Variants in SND1 observed in about 807,000 individuals in gnomAD.
SND1 encodes the protein staphylococcal nuclease and tudor domain containing 1, also known as staphylococcal nuclease domain-containing protein 1.
A neutral mutation model predicts 121.7 loss-of-function variants in SND1; 38 were observed. The ratio of observed to expected loss-of-function variants is 0.31; its 90% CI spans 0.24 to 0.41. SND1 has a LOEUF of 0.41. Among genes scored for constraint, SND1 ranks in the 10% least tolerant of loss-of-function variants. The pLI is 1.00. For missense variants in SND1, 868 were observed against 1,184.6 expected (o/e 0.73, Z 3.92); for synonymous variants, 401 against 447.4 (o/e 0.90, Z 1.31).
rs75234976 is a variant in SND1 at position 128,051,234 on chromosome 7, C to T, written c.1780-23268C>T. On this transcript the variant is annotated intron_variant, in intron 16 of 23. Transcript: ENST00000354725. ...GTTTCTGCCCCTGAGTCCACCCTCC[C>T]GAAGACAAAGGCAGAGGCCCAGGAA... Among the ~76,000 whole-genome samples the T allele has an allele frequency of 5.1e-3, 771 of 152,280 alleles. 5 individuals are homozygous for T. Among genetic ancestry groups the T allele is most frequent in the African/African-American group, 0.018 (742 of 41,528 alleles).
At position 128,052,676 on chromosome 7, in the gene SND1, C is replaced by T. The variant is rs745771707; in HGVS notation, c.1780-21826C>T. Among the ~76,000 whole-genome samples the T allele has an allele frequency of 3.9e-5, 6 of 152,202 alleles. No homozygotes were observed. Among genetic ancestry groups the T allele is most frequent in the East Asian group, 1.9e-4 (1 of 5,192 alleles). ...GGCTGTTTGCTGAACACAACTCGTC[C>T]GTCAAGGGAAATCAGATGAAATCCA... On this transcript the variant is annotated intron_variant, in intron 16 of 23. Coordinates refer to ENST00000354725, the MANE Select transcript of SND1 (RefSeq NM_014390.4). This position sits in a 1 kb window ranked among gnomAD's most constrained non-coding sequence, Gnocchi z 4.6.
intron 12 of SND1, among the ~76,000 whole-genome samples, chr7:127,867,930 T>G (rs567963043): frequency 6.6e-6 from 1 of 152,276 alleles, no homozygotes; most frequent in South Asian, 2.1e-4. Flanking sequence ...GCATTACTAT[T>G]TAACTTAATC....
At chr7:127,991,611 G>A (rs1022647086) in intron 16 of SND1, among the ~76,000 whole-genome samples, 4 of 152,136 alleles carry the variant, frequency 2.6e-5, no homozygotes, top group African/African-American at 9.7e-5. Flanking sequence ...CTTTCCAGGA[G>A]TATGCCAGCC....
intron 15 of SND1, among the ~76,000 whole-genome samples, chr7:127,981,703 A>T (rs1470980303): frequency 6.6e-6 from 1 of 152,226 alleles, no homozygotes; most frequent in Non-Finnish European, 1.5e-5. Context: ...ACAATAAATC[A>T]AATTCAGTGA....
chr7:127,717,702 C>G (rs970644551), intron 9 of SND1, among the ~76,000 whole-genome samples: 1 of 152,148 alleles, frequency 6.6e-6, no homozygotes, highest in Non-Finnish European at 1.5e-5. Context: ...ACCACAGTCT[C>G]TGGTCATGCT....
intron 1 of SND1, among the ~76,000 whole-genome samples, chr7:127,684,776 G>C (rs73450943): frequency 1.3e-5 from 2 of 152,192 alleles, no homozygotes; most frequent in Admixed American, 6.5e-5. Context: ...CAGTCTTTTT[G>C]TGTGTGTGTG....
intron 12 of SND1, among the ~76,000 whole-genome samples, chr7:127,866,301 T>C (rs1024506210): frequency 2.0e-5 from 3 of 152,230 alleles, no homozygotes; most frequent in African/African-American, 7.2e-5. Flanking sequence ...GGCATAGTCA[T>C]TCATATTTAA....
At chr7:128,007,657 T>C (rs1342940345) in intron 16 of SND1, among the ~76,000 whole-genome samples, 2 of 152,268 alleles carry the variant, frequency 1.3e-5, no homozygotes, top group Non-Finnish European at 2.9e-5. Flanking sequence ...AAACTCAATC[T>C]AGTTATAGAC....
intron 10 of SND1, among the ~76,000 whole-genome samples, chr7:127,739,172 A>G (rs1042584131): frequency 2.0e-5 from 3 of 152,202 alleles, no homozygotes; most frequent in Admixed American, 1.3e-4. Context: ...TGTCATTTGT[A>G]TAGGTCCTTC....
intron 13 of SND1, among the ~76,000 whole-genome samples, chr7:127,892,025 C>T (rs1263659624): frequency 6.6e-6 from 1 of 152,116 alleles, no homozygotes; most frequent in African/African-American, 2.4e-5. Flanking sequence ...TTCCAACAGA[C>T]TTCTTTGACC....
chr7:127,816,661 T>C, intron 11 of SND1, among the ~76,000 whole-genome samples: 1 of 147,850 alleles, frequency 6.8e-6, no homozygotes, highest in African/African-American at 2.5e-5. Context: ...TTTCTCAAAC[T>C]CTTTTTTTTT....
At chr7:127,682,560 C>T (rs712707) in intron 1 of SND1, among the ~76,000 whole-genome samples, 41,867 of 152,102 alleles carry the variant, frequency 0.28, 7,260 homozygotes, top group East Asian at 0.69. Flanking sequence ...TTTCTGTGCT[C>T]TATAAATTAG....
chr7:128,079,985 A>G (rs1793569746), intron 17 of SND1, among the ~76,000 whole-genome samples: 1 of 152,104 alleles, frequency 6.6e-6, no homozygotes, highest in East Asian at 1.9e-4. Flanking sequence ...TGATTTCACT[A>G]CTTCTAGCTG....
At chr7:127,802,784 A>G (rs149736430) in intron 10 of SND1, among the ~76,000 whole-genome samples, 23 of 152,282 alleles carry the variant, frequency 1.5e-4, no homozygotes, top group African/African-American at 4.1e-4. Flanking sequence ...CCGTTCGTCT[A>G]TTCTACTGGT....
intron 15 of SND1, among the ~76,000 whole-genome samples, chr7:127,936,081 G>A (rs1022702657): frequency 2.0e-5 from 3 of 152,184 alleles, no homozygotes; most frequent in Admixed American, 6.5e-5. Flanking sequence ...AGCAGGTGGG[G>A]CTAGAGAAGT....
rs1345385230 is a variant in SND1 at position 128,023,366 on chromosome 7, GC to G, written c.1779+32311del. 2.6e-5 allele frequency among the ~76,000 whole-genome samples: 4 copies of G among 152,112 alleles called. No homozygotes were observed. In the East Asian group the frequency reaches 7.7e-4, roughly 29 times the overall value. ...TTTCATCACTGACCTGAGTAATAAGGCTATGACTGCTCTGTGCCAGAGAAAC... is the reference window on the plus strand; with the variant it reads ...TTTCATCACTGACCTGAGTAATAAGGTATGACTGCTCTGTGCCAGAGAAAC... On this transcript the variant is annotated intron_variant, in intron 16 of 23. Transcript: ENST00000354725.
At chr7:127,998,036 T>G (rs1252704584) in intron 16 of SND1, 1 of 518,396 alleles carries the variant, frequency 1.9e-6, no homozygotes, top group East Asian at 5.6e-5. Context: ...GCTTGTAAGC[T>G]CCTCACAGAC....
intron 11 of SND1, among the ~76,000 whole-genome samples, chr7:127,820,438 A>G (rs1297547448): frequency 6.6e-6 from 1 of 152,184 alleles, no homozygotes; most frequent in Non-Finnish European, 1.5e-5. Context: ...ACTCCACAGC[A>G]TGGGAGAGTT....
At chr7:128,065,717 T>A (rs1793301595) in intron 16 of SND1, among the ~76,000 whole-genome samples, 2 of 152,256 alleles carry the variant, frequency 1.3e-5, no homozygotes, top group South Asian at 2.1e-4. Flanking sequence ...CCACTGCTGC[T>A]GACTCCATGG....
Sources: gnomAD v4.1 joint callset for allele counts (sites outside exome capture counted in the v4.1 genomes callset) on GRCh38, gnomAD v4.1.1 for gene constraint, Gnocchi (gnomAD v3.1) non-coding constraint, MANE v1.5 for transcripts, NCBI Gene and HGNC (gene_info 2026-07-23, HGNC 2026-07-21) for gene names.